Variants in GCFC2 observed in about 807,000 individuals in gnomAD.
GCFC2 encodes intron Large complex component GCFC2.
A neutral mutation model predicts 99.4 loss-of-function variants in GCFC2; 102 were observed. The observed-to-expected ratio is 1.03, with a 90% CI of 0.87 to 1.21. The LOEUF (loss-of-function observed/expected upper bound fraction) is 1.21, where lower values mean the gene tolerates loss of function less well. Among genes scored for constraint, GCFC2 ranks in the 50% most tolerant of loss-of-function variants. The probability of loss-of-function intolerance (pLI) is 0.00; values close to 1 mark genes in which losing one functional copy is unlikely to be tolerated. For missense variants in GCFC2, 973 were observed against 920.9 expected (o/e 1.06, Z -0.73); for synonymous variants, 338 against 316.8 (o/e 1.07, Z -0.71).
chr2:75,693,754 C>T (rs1680188019), intron 6 of GCFC2, among the ~76,000 whole-genome samples: 1 of 151,868 alleles, frequency 6.6e-6, no homozygotes, highest in Admixed American at 6.6e-5. Flanking sequence ...AAAAAAATTT[C>T]CACTAAGAAC....
At chr2:75,683,531 G>A (rs559726875) in intron 11 of GCFC2, among the ~76,000 whole-genome samples, 6 of 152,152 alleles carry the variant, frequency 3.9e-5, no homozygotes, top group East Asian at 3.9e-4. Flanking sequence ...AAGAAACTGC[G>A]TCAACTAATG....
At position 75,690,002 on chromosome 2, in the gene GCFC2, A is replaced by C. The variant is rs776590346; in HGVS notation, c.1306T>G (p.Ser436Ala). 8.7e-6 allele frequency: 14 copies of C among 1,605,294 alleles called. No individual in the cohort carries two copies. In the South Asian group the frequency reaches 1.5e-4, roughly 18 times the overall value. Residue 436 changes from serine (S) to alanine (A), a missense_variant, in exon 9 of 17, where the codon TCA (serine) becomes GCA (alanine). Ser to Ala is a moderately conservative substitution (Grantham distance 99). Coordinates refer to ENST00000321027, the MANE Select transcript of GCFC2 (RefSeq NM_003203.5). ...TTTTGGAAGTCAATCATCTCTGCTG[A>C]AGGCAGTTCATCATCACTAGATGTT... ...EGTSSDDELP[S>A]AEMIDFQKSQ...
chr2:75,691,981 T>C lies in GCFC2; in HGVS notation c.1140A>G (p.Leu380=), dbSNP rs781521954. 2.1e-5 allele frequency: 32 copies of C among 1,508,324 alleles called. No homozygotes were observed. The highest frequency in any genetic ancestry group is 2.7e-5 in the Non-Finnish European group (30 of 1,117,604). The allele number at this position is 1,508,324 out of a possible 1,614,324, so 93.4% of individuals were successfully genotyped here. Residue 380 remains leucine (L), a synonymous_variant, in exon 7 of 17, where the codon TTA becomes TTG. Transcript: ENST00000321027. ...TGGAACACGAAAAACACTAACGTGA[T>C]AACTGTTGTAAATACGTTGATTCAT... ...LKHESTYLQQ[L]SRKDETSTSG... is the part of the protein sequence containing the mutation.
rs750882810 is a variant in GCFC2 at position 75,701,268 on chromosome 2, T to C, written c.639A>G (p.Thr213=). The change falls in exon 4 of 17, where the codon ACA becomes ACG. Residue 213 remains threonine (T), a synonymous_variant. Coordinates refer to ENST00000321027, the MANE Select transcript of GCFC2 (RefSeq NM_003203.5). ...AEESISRNEE[T]SEESQEDEKQ... is the part of the protein sequence containing the mutation. ...TTTCATCTTCCTGACTTTCTTCACT[T>C]GTTTCTTCATTTCTGCTTACTAGCG... 1 of 1,604,274 alleles carries C rather than the reference T, an allele frequency of 6.2e-7. No individual in the cohort carries two copies. Among genetic ancestry groups the C allele is most frequent in the Non-Finnish European group, 8.5e-7 (1 of 1,171,122 alleles).
intron 13 of GCFC2, among the ~76,000 whole-genome samples, chr2:75,672,881 A>G (rs1431319649): frequency 6.6e-6 from 1 of 152,238 alleles, no homozygotes; most frequent in Non-Finnish European, 1.5e-5. Context: ...GGATATATGT[A>G]AAACCAAAAC....
intron 13 of GCFC2, among the ~76,000 whole-genome samples, 162 bp from the exon 14 acceptor site, chr2:75,672,178 T>C (rs1157903934): frequency 6.8e-6 from 1 of 146,130 alleles, no homozygotes; most frequent in Non-Finnish European, 1.5e-5. Flanking sequence ...TATATATTTA[T>C]TTATAAAATA....
rs774236115 is a variant in GCFC2 at position 75,702,232 on chromosome 2, G to A, written c.586C>T (p.Gln196Ter). 6 of 1,606,016 alleles carry A rather than the reference G, an allele frequency of 3.7e-6. No homozygotes were observed. The highest frequency in any genetic ancestry group is 5.1e-6 in the Non-Finnish European group (6 of 1,172,700). The change falls in exon 3 of 17, where the codon CAA (glutamine) becomes TAA (stop). Residue 196 changes from glutamine (Q) to a stop codon, truncating the protein, a stop_gained. Coordinates refer to ENST00000321027, the MANE Select transcript of GCFC2 (RefSeq NM_003203.5). LOFTEE classifies it high-confidence loss of function. Reference sequence around the variant, plus strand: ...TCAGCCATCCTTTGTCTAAGTGTTTGAGGTCTTAGAGTAAATGGTATTCTC... The same window carrying A: ...TCAGCCATCCTTTGTCTAAGTGTTTAAGGTCTTAGAGTAAATGGTATTCTC... Reference protein sequence around the residue: ...EKRIPFTLRPQTLRQRMAEES... With the variant: ...EKRIPFTLRP
At chr2:75,681,619 G>A (rs1055847420) in intron 11 of GCFC2, among the ~76,000 whole-genome samples, 1 of 151,810 alleles carries the variant, frequency 6.6e-6, no homozygotes, top group African/African-American at 2.4e-5. Context: ...TGGAAAAGGG[G>A]CTGAAGACAG....
At chr2:75,692,911 A>C (rs1680150717) in intron 6 of GCFC2, among the ~76,000 whole-genome samples, 1 of 152,164 alleles carries the variant, frequency 6.6e-6, no homozygotes, top group African/African-American at 2.4e-5. Context: ...TGAAACTCTC[A>C]TATTTTGGGG....
intron 11 of GCFC2, among the ~76,000 whole-genome samples, chr2:75,681,988 C>G (rs1679602008): frequency 6.6e-6 from 1 of 151,912 alleles, no homozygotes; most frequent in Non-Finnish European, 1.5e-5. Flanking sequence ...GGACAGAGCA[C>G]CTGGGGAAAG....
In GCFC2 at chr2:75,701,185, A is replaced by AT; in HGVS notation, c.717+4dup. 6.8e-7 allele frequency: 1 copy of AT among 1,470,272 alleles called. No homozygotes were observed. The highest frequency in any genetic ancestry group is 9.5e-7 in the Non-Finnish European group (1 of 1,050,044). The allele number at this position is 1,470,272 out of a possible 1,614,324, so 91.1% of individuals were successfully genotyped here. A position where few individuals can be genotyped will look rare whatever the true frequency, so the allele number is the denominator to read the frequency against. On this transcript the variant is annotated splice_donor_region_variant and intron_variant, in intron 4 of 16. Transcript: ENST00000321027. ...TCTAATACACATGGGATAAAAAATG[A>AT]TTACCTCTATGATTTTAACTGCTTT...
chr2:75,682,553 A>T (rs1341134813), intron 11 of GCFC2, among the ~76,000 whole-genome samples: 1 of 151,716 alleles, frequency 6.6e-6, no homozygotes, highest in Non-Finnish European at 1.5e-5. Flanking sequence ...AAGAATCACA[A>T]CTCATCACCA....
intron 13 of GCFC2, among the ~76,000 whole-genome samples, chr2:75,672,358 A>AAAATATATATTTAT: frequency 6.8e-6 from 1 of 146,686 alleles, no homozygotes; most frequent in African/African-American, 2.5e-5. Flanking sequence ...ATATGTTTAT[A>AAAATATATATTTAT]AAATATATAT....
intron 1 of GCFC2, among the ~76,000 whole-genome samples, chr2:75,709,841 C>T (rs1416712955): frequency 6.6e-6 from 1 of 152,168 alleles, no homozygotes; most frequent in Non-Finnish European, 1.5e-5. Flanking sequence ...ATAAAAATCA[C>T]TTTAATGACA....
rs145005167 is a variant in GCFC2, at chr2:75,702,263, A to G, written c.555T>C (p.His185=). 1.9e-6 allele frequency: 3 copies of G among 1,612,944 alleles called. No homozygotes were observed. The highest frequency in any genetic ancestry group is 2.5e-6 in the Non-Finnish European group (3 of 1,179,078). Residue 185 remains histidine (H), a synonymous_variant, in exon 3 of 17, where the codon CAT becomes CAC. Transcript: ENST00000321027. ...TTAGAGTAAATGGTATTCTCTTTTCATGGTCATCAGGCTCACTCTCAGGGT... is the reference window on the plus strand; with the variant it reads ...TTAGAGTAAATGGTATTCTCTTTTCGTGGTCATCAGGCTCACTCTCAGGGT... ...EDDPESEPDD[H]EKRIPFTLRP...
At position 75,671,980 on chromosome 2, in the gene GCFC2, G is replaced by T; in HGVS notation, c.1926C>A (p.Phe642Leu). Residue 642 changes from phenylalanine (F) to leucine (L), a missense_variant, in exon 14 of 17, where the codon TTC (phenylalanine) becomes TTA (leucine). Coordinates refer to ENST00000321027, the MANE Select transcript of GCFC2 (RefSeq NM_003203.5). ...GGCCTGACCAGAACTGTCTTTCTTG[G>T]AACTTTGAATGAGGTGATGTTTTGT... ...VENKTSPHSK[F>L]QERQFWSGLK... is the part of the protein sequence containing the mutation. The T allele has an allele frequency of 6.3e-7, 1 of 1,594,986 alleles. No homozygotes were observed. The highest frequency in any genetic ancestry group is 8.6e-7 in the Non-Finnish European group (1 of 1,164,168).
At position 75,690,618 on chromosome 2, in the gene GCFC2, T is replaced by A; in HGVS notation, c.1226+20A>T. ...CTTGCTCAATGATGCTTTCTTTAAA[T>A]CTTCACTTTATATAGGTACCTTCGA... On this transcript the variant is annotated intron_variant, in intron 8 of 16. Coordinates refer to ENST00000321027, the MANE Select transcript of GCFC2 (RefSeq NM_003203.5). 1 of 1,133,200 alleles carries A rather than the reference T, an allele frequency of 8.8e-7. No homozygotes were observed. The highest frequency in any genetic ancestry group is 1.3e-6 in the Non-Finnish European group (1 of 756,608). 70.2% of individuals were successfully genotyped at this position (1,133,200 alleles called of 1,614,324 possible). A position where few individuals can be genotyped will look rare whatever the true frequency, so the allele number is the denominator to read the frequency against.
At chr2:75,704,244 G>C (rs1680735231) in intron 2 of GCFC2, among the ~76,000 whole-genome samples, 1 of 152,190 alleles carries the variant, frequency 6.6e-6, no homozygotes, top group African/African-American at 2.4e-5. Flanking sequence ...AGGGCTGAGA[G>C]GTAAATTATC....
At chr2:75,690,226 G>C in intron 8 of GCFC2, 145 bp from the exon 9 acceptor site, 1 of 592,086 alleles carries the variant, frequency 1.7e-6, no homozygotes, top group Non-Finnish European at 3.0e-6. Flanking sequence ...TCATATCAGC[G>C]CACAATTTTA....
Sources: allele counts gnomAD v4.1 joint callset (sites outside exome capture counted in the v4.1 genomes callset), GRCh38; gene constraint gnomAD v4.1.1; transcripts MANE v1.5; gene names NCBI Gene and HGNC (gene_info 2026-07-23, HGNC 2026-07-21).